The following MYPN variants were observed in gnomAD, a reference collection of about 807,000 sequenced individuals.
The protein encoded by MYPN is myopalladin, also known as sarcomeric protein myopalladin, 145 kDa (MYOP).
A neutral mutation model predicts 129.4 loss-of-function variants in MYPN; 63 were observed. The observed-to-expected ratio is 0.49, with a 90% confidence interval of 0.40 to 0.60. MYPN has a LOEUF of 0.60. MYPN is among the 20% of genes least tolerant of loss of function. MYPN has a pLI of 0.00. For synonymous variants in MYPN, 629 were observed against 600.9 expected (o/e 1.05, Z -0.68); for missense variants, 1,596 against 1,635.4 (o/e 0.98, Z 0.42).
At position 68,109,576 on chromosome 10, in the gene MYPN, T is replaced by C. The variant is rs1390969293; in HGVS notation, c.-149T>C. On this transcript the variant is annotated 5_prime_UTR_variant, in exon 1 of 20. Transcript: ENST00000358913. Reference sequence around the variant, plus strand: ...TGAAACTAAGGTTAACTCCTCACTCTCTATGGACGGCTACTCTCTATTTCC... The same window carrying C: ...TGAAACTAAGGTTAACTCCTCACTCCCTATGGACGGCTACTCTCTATTTCC... 5.7e-5 allele frequency: 26 copies of C among 454,014 alleles called. No homozygotes were observed. Among genetic ancestry groups the C allele is most frequent in the Non-Finnish European group, 1.1e-4 (26 of 226,798 alleles). The allele number at this position is 454,014 out of a possible 1,614,324, so 28.1% of individuals were successfully genotyped here.
chr10:68,147,377 G>A (rs2042685026), intron 4 of MYPN, among the ~76,000 whole-genome samples: 1 of 152,266 alleles, frequency 6.6e-6, no homozygotes, highest in Admixed American at 6.5e-5. Flanking sequence ...GGCTGGTCTT[G>A]AACTCTTGGT....
intron 6 of MYPN, among the ~76,000 whole-genome samples, chr10:68,157,348 A>G (rs1346039588): frequency 2.0e-5 from 3 of 152,212 alleles, no homozygotes; most frequent in Non-Finnish European, 2.9e-5. Context: ...GGACTGCAGA[A>G]TGTAAACAAG....
chr10:68,108,058 G>C (rs1291405939), upstream of MYPN, among the ~76,000 whole-genome samples: 2 of 152,122 alleles, frequency 1.3e-5, no homozygotes, highest in Non-Finnish European at 2.9e-5. Flanking sequence ...ACAATTAAGT[G>C]GTCTTGACAT....
intron 1 of MYPN, among the ~76,000 whole-genome samples, chr10:68,117,341 C>T (rs149149424): frequency 1.1e-4 from 16 of 151,416 alleles, no homozygotes; most frequent in African/African-American, 3.9e-4. Context: ...GGTGCAGAGA[C>T]GATGGTGTAC....
chr10:68,090,533 ATTCT>A (rs1268063182), intron 1 of MYPN, among the ~76,000 whole-genome samples: 2 of 152,166 alleles, frequency 1.3e-5, no homozygotes, highest in African/African-American at 4.8e-5. Context: ...GAGCTGTGAC[ATTCT>A]TTCATAAAGG....
At chr10:68,156,261 G>A (rs2042871451) in intron 6 of MYPN, among the ~76,000 whole-genome samples, 1 of 152,102 alleles carries the variant, frequency 6.6e-6, no homozygotes, top group Non-Finnish European at 1.5e-5. Flanking sequence ...CCAGGAGGGT[G>A]TCTAAGTGCC....
At chr10:68,103,321 G>C (rs1335978120), upstream of MYPN, among the ~76,000 whole-genome samples, 1 of 152,122 alleles carries the variant, frequency 6.6e-6, no homozygotes, top group Non-Finnish European at 1.5e-5. Flanking sequence ...CTATTTTCCT[G>C]ACAAATTATA....
intron 1 of MYPN, among the ~76,000 whole-genome samples, chr10:68,096,946 A>G (rs561910995): frequency 6.6e-6 from 1 of 152,360 alleles, no homozygotes; most frequent in Admixed American, 6.5e-5. Context: ...ATCACAAAGC[A>G]CATAGCATAA....
At chr10:68,199,630 A>C in intron 17 of MYPN, 55 bp downstream of exon 17, 1 of 1,551,042 alleles carries the variant, frequency 6.4e-7, no homozygotes, top group Non-Finnish European at 8.9e-7. Flanking sequence ...TCATTACCCA[A>C]AGAGGCAGAG....
intron 12 of MYPN, among the ~76,000 whole-genome samples, chr10:68,187,144 G>C (rs972300981): frequency 6.6e-6 from 1 of 152,000 alleles, no homozygotes; most frequent in Admixed American, 6.6e-5. Context: ...GACTGAGGTG[G>C]GTGGATCACT....
At chr10:68,134,954 A>G (rs1019611747) in intron 2 of MYPN, among the ~76,000 whole-genome samples, 1 of 151,804 alleles carries the variant, frequency 6.6e-6, no homozygotes, top group Non-Finnish European at 1.5e-5. Context: ...ATTTTATTTT[A>G]TTTTATTATT....
intron 1 of MYPN, among the ~76,000 whole-genome samples, chr10:68,098,759 C>G (rs914182513): frequency 3.9e-5 from 6 of 152,138 alleles, no homozygotes; most frequent in African/African-American, 1.4e-4. Flanking sequence ...AGGAGAATCG[C>G]TTGAACCCAG....
At chr10:68,133,443 T>C (rs150602753) in intron 2 of MYPN, among the ~76,000 whole-genome samples, 8 of 152,110 alleles carry the variant, frequency 5.3e-5, no homozygotes, top group Non-Finnish European at 2.9e-5. Flanking sequence ...AGATAAATAA[T>C]GCAAATTGTA....
At chr10:68,142,843 A>G in intron 2 of MYPN, 97 bp from the exon 3 acceptor site, 3 of 1,164,392 alleles carry the variant, frequency 2.6e-6, no homozygotes, top group Non-Finnish European at 3.9e-6. Flanking sequence ...TGTTGTTCTG[A>G]CTTCAAATGA....
intron 2 of MYPN, among the ~76,000 whole-genome samples, chr10:68,124,103 C>T (rs941176794): frequency 2.0e-5 from 3 of 152,178 alleles, no homozygotes. Context: ...GGACGCCTCA[C>T]TTGACTAGGC....
intron 12 of MYPN, among the ~76,000 whole-genome samples, chr10:68,182,683 T>A (rs1024704571): frequency 2.0e-5 from 3 of 151,874 alleles, no homozygotes; most frequent in Admixed American, 6.6e-5. Flanking sequence ...CTTTTTTGTA[T>A]TTTTAGTAGA....
intron 17 of MYPN, 120 bp downstream of exon 17, chr10:68,199,695 C>CTACCACAGTGAAGGGGAAA: frequency 1.0e-6 from 1 of 999,298 alleles, no homozygotes; most frequent in Non-Finnish European, 1.6e-6. Flanking sequence ...TCAATTTCCC[C>CTACCACAGTGAAGGGGAAA]TTCACTGTGG....
chr10:68,185,376 CT>C (rs1364867178), intron 12 of MYPN, among the ~76,000 whole-genome samples: 3 of 152,120 alleles, frequency 2.0e-5, no homozygotes, highest in African/African-American at 7.2e-5. Flanking sequence ...ATAACATTTT[CT>C]TTATGATTTA....
rs184220178 is a variant in MYPN, at chr10:68,134,152, G to A, written c.903-8788G>A. Reference sequence around the variant, plus strand: ...CAAAACTAAAAAATTCAAGATGTTCGTTTGTTCATTCATTCAATAACAATT... The same window carrying A: ...CAAAACTAAAAAATTCAAGATGTTCATTTGTTCATTCATTCAATAACAATT... On this transcript the variant is annotated intron_variant, in intron 2 of 19. Transcript: ENST00000358913. Among the ~76,000 whole-genome samples the A allele has an allele frequency of 6.9e-3, 1,044 of 152,108 alleles. 8 individuals carry two copies. Among genetic ancestry groups the A allele is most frequent in the African/African-American group, 0.022 (910 of 41,508 alleles).
Sources: gnomAD v4.1 joint callset for allele counts (sites outside exome capture counted in the v4.1 genomes callset) on GRCh38, gnomAD v4.1.1 for gene constraint, MANE v1.5 for transcripts, NCBI Gene and HGNC (gene_info 2026-07-23, HGNC 2026-07-21) for gene names.